Variants in PRELID2 observed in about 807,000 individuals in gnomAD.
The protein encoded by PRELID2 is PRELI domain-containing protein 2.
A neutral mutation model predicts 28.4 loss-of-function variants in PRELID2; 25 were observed. The ratio of observed to expected loss-of-function variants is 0.88; its 90% CI spans 0.64 to 1.23. The LOEUF (loss-of-function observed/expected upper bound fraction) is 1.23, where lower values mean the gene tolerates loss of function less well. Among genes scored for constraint, PRELID2 ranks in the 50% most tolerant of loss-of-function variants. The pLI is 0.00. For missense variants in PRELID2, 201 were observed against 214.4 expected (o/e 0.94, Z 0.39); for synonymous variants, 76 against 71.6 (o/e 1.06, Z -0.31).
the PRELID2 span, among the ~76,000 whole-genome samples, chr5:145,360,210 C>T: frequency 2.0e-5 from 3 of 152,080 alleles, no homozygotes; most frequent in African/African-American, 7.2e-5. Flanking sequence ...AGACTCACCC[C>T]CAAGGGTACT....
chr5:145,697,986 C>CAAA (rs200419262), intron 1 of PRELID2, among the ~76,000 whole-genome samples: 3,185 of 149,774 alleles, frequency 0.021, 125 homozygotes, highest in African/African-American at 0.073. Flanking sequence ...TAATGTCCCT[C>CAAA]AAAAAAAATA....
the PRELID2 span, among the ~76,000 whole-genome samples, chr5:145,463,349 T>TG: frequency 4.0e-5 from 6 of 151,376 alleles, no homozygotes; most frequent in African/African-American, 1.5e-4. Context: ...GAAGTTTTTT[T>TG]TTTTTTTTTT....
At chr5:145,591,168 T>G (rs1390648493) in intron 1 of PRELID2, among the ~76,000 whole-genome samples, 3 of 151,934 alleles carry the variant, frequency 2.0e-5, no homozygotes, top group Non-Finnish European at 4.4e-5. Context: ...TGGTAGCGCA[T>G]GCCTGGGGTC....
At chr5:145,443,072 T>C in the PRELID2 span, among the ~76,000 whole-genome samples, 4 of 152,156 alleles carry the variant, frequency 2.6e-5, no homozygotes, top group Admixed American at 2.0e-4. Flanking sequence ...TCTGCTTTTC[T>C]GGGATAGGAA....
intron 1 of PRELID2, among the ~76,000 whole-genome samples, chr5:145,682,629 G>C (rs572788394): frequency 6.6e-6 from 1 of 152,158 alleles, no homozygotes; most frequent in Non-Finnish European, 1.5e-5. Flanking sequence ...AAACAAGTCC[G>C]AGAATGCCAG....
rs149141321 is a variant in PRELID2, at chr5:145,597,196, T to G, written n.71-123881A>C. Among the ~76,000 whole-genome samples the G allele has an allele frequency of 2.2e-4, 34 of 152,346 alleles. No homozygotes were observed. The East Asian group carries it at 6.4e-3, about 29-fold the overall frequency. On this transcript the variant is annotated intron_variant and non_coding_transcript_variant, in intron 1 of 2. Transcript: ENST00000510259. ...GACACTATTTCCTTAATTATAAGGCTTCTACAAAGAGCATGGAAATAAATT... is the reference window on the plus strand; with the variant it reads ...GACACTATTTCCTTAATTATAAGGCGTCTACAAAGAGCATGGAAATAAATT...
the PRELID2 span, among the ~76,000 whole-genome samples, chr5:145,383,686 T>C: frequency 1.3e-3 from 189 of 149,732 alleles, 1 homozygote; most frequent in Non-Finnish European, 2.3e-3. Context: ...AGGTGGATTG[T>C]AGACCTACAA....
chr5:145,812,721 G>A (rs1754037600), intron 4 of PRELID2, among the ~76,000 whole-genome samples: 1 of 152,184 alleles, frequency 6.6e-6, no homozygotes, highest in South Asian at 2.1e-4. Context: ...GTACAGGAGG[G>A]CTTCCCTGAG....
chr5:145,538,036 A>G (rs190890611), intron 1 of PRELID2, among the ~76,000 whole-genome samples: 1 of 152,056 alleles, frequency 6.6e-6, no homozygotes, highest in African/African-American at 2.4e-5. Context: ...GTAACCATCT[A>G]GTCTCAATTT....
chr5:145,665,771 C>T (rs1211989160), intron 1 of PRELID2, among the ~76,000 whole-genome samples: 1 of 151,970 alleles, frequency 6.6e-6, no homozygotes, highest in Non-Finnish European at 1.5e-5. Context: ...AGTGGCTTTC[C>T]CTACTTACTC....
intron 4 of PRELID2, among the ~76,000 whole-genome samples, chr5:145,816,135 T>C (rs1754292298): frequency 7.0e-6 from 1 of 143,592 alleles, no homozygotes; most frequent in Admixed American, 7.6e-5. Context: ...CAGGCTAGAG[T>C]GCCATGGTGC....
intron 1 of PRELID2, among the ~76,000 whole-genome samples, chr5:145,639,289 G>A (rs758820060): frequency 6.6e-6 from 1 of 152,032 alleles, no homozygotes; most frequent in Non-Finnish European, 1.5e-5. Flanking sequence ...AAGATGTGGA[G>A]GAAAGTAACA....
At chr5:145,625,546 A>T (rs1404495690) in intron 1 of PRELID2, among the ~76,000 whole-genome samples, 3 of 152,146 alleles carry the variant, frequency 2.0e-5, no homozygotes, top group Admixed American at 1.3e-4. Context: ...TCATTTTTTT[A>T]AATTCCAATA....
intron 1 of PRELID2, among the ~76,000 whole-genome samples, chr5:145,725,732 C>T (rs964326730): frequency 6.6e-6 from 1 of 152,162 alleles, no homozygotes; most frequent in Non-Finnish European, 1.5e-5. Context: ...TAGGCTTCTA[C>T]CCTCCCATAG....
chr5:145,740,034 T>C (rs1020165280), intron 1 of PRELID2, among the ~76,000 whole-genome samples: 1 of 150,800 alleles, frequency 6.6e-6, no homozygotes, highest in Non-Finnish European at 1.5e-5. Flanking sequence ...AATTAAGTCA[T>C]AAACTGGAAG....
chr5:145,733,082 CAAA>C (rs556645506), intron 1 of PRELID2, among the ~76,000 whole-genome samples: 3 of 78,100 alleles, frequency 3.8e-5, no homozygotes, highest in Non-Finnish European at 5.4e-5. Flanking sequence ...CCTGTCTCTA[CAAA>C]AAAAAAAAAA....
chr5:145,410,008 A>G, the PRELID2 span, among the ~76,000 whole-genome samples: 10 of 152,172 alleles, frequency 6.6e-5, no homozygotes, highest in Non-Finnish European at 1.0e-4. Context: ...ATAAAGCCAA[A>G]TACTTACAGC....
At chr5:145,484,872 T>C (rs1752199291) in intron 1 of PRELID2, among the ~76,000 whole-genome samples, 1 of 152,200 alleles carries the variant, frequency 6.6e-6, no homozygotes, top group African/African-American at 2.4e-5. Context: ...TCATTGACTG[T>C]GCTAGACATC....
intron 1 of PRELID2, among the ~76,000 whole-genome samples, chr5:145,628,526 G>A (rs905518692): frequency 1.3e-5 from 2 of 152,118 alleles, no homozygotes; most frequent in Non-Finnish European, 2.9e-5. Context: ...GTTTTGCCAT[G>A]TTGGCCAGCC....
Sources: gnomAD v4.1 joint callset for allele counts (sites outside exome capture counted in the v4.1 genomes callset) on GRCh38, gnomAD v4.1.1 for gene constraint, MANE v1.5 for transcripts, NCBI Gene and HGNC (gene_info 2026-07-23, HGNC 2026-07-21) for gene names.